The following MAP3K15 variants were observed in gnomAD, a reference collection of about 807,000 sequenced individuals.
MAP3K15 encodes MAPK/ERK kinase kinase 15.
MAP3K15 carries 124 observed loss-of-function variants against 99.5 expected under a neutral mutation model. The observed-to-expected ratio is 1.25, with a 90% CI of 1.08 to 1.45. The LOEUF is 1.45. Ranked by LOEUF, MAP3K15 falls within the 40% of genes most tolerant of loss-of-function variation. MAP3K15 has a pLI of 0.00. For missense variants in MAP3K15, 1,242 were observed against 1,079.7 expected (o/e 1.15, Z -2.11); for synonymous variants, 494 against 439.6 (o/e 1.12, Z -1.55).
chrX:19,367,898 TC>T (rs1458077696), intron 25 of MAP3K15, among the ~76,000 whole-genome samples: 2 of 105,246 alleles, frequency 1.9e-5, no homozygotes, highest in African/African-American at 6.9e-5. Flanking sequence ...ACAGGCAAGT[TC>T]CACCACGCCC....
chrX:19,417,003 A>G (rs143828136), intron 9 of MAP3K15, among the ~76,000 whole-genome samples: 2,197 of 112,620 alleles, frequency 0.02, 66 homozygotes, highest in African/African-American at 0.067. Context: ...GAGAACCCAT[A>G]TATCTTTGAC....
At chrX:19,493,089 G>C (rs1336487745) in intron 1 of MAP3K15, among the ~76,000 whole-genome samples, 3 of 111,147 alleles carry the variant, frequency 2.7e-5, no homozygotes, top group African/African-American at 9.8e-5. Context: ...GAAGCAAATA[G>C]AAACAGACAA....
At chrX:19,371,848 G>A (rs1457100182) in intron 22 of MAP3K15, among the ~76,000 whole-genome samples, 1 of 111,356 alleles carries the variant, frequency 9.0e-6, no homozygotes, top group South Asian at 3.7e-4. Flanking sequence ...AATAAGGGAG[G>A]GGGGCCGGGC....
chrX:19,376,179 C>A (rs1381976575), intron 19 of MAP3K15, among the ~76,000 whole-genome samples: 1 of 111,481 alleles, frequency 9.0e-6, no homozygotes, highest in Non-Finnish European at 1.9e-5. Context: ...TAACAAAATA[C>A]CACAAACTGG....
chrX:19,436,154 C>CAA (rs756368352), intron 6 of MAP3K15, among the ~76,000 whole-genome samples: 8 of 52,289 alleles, frequency 1.5e-4, no homozygotes, highest in African/African-American at 6.3e-4. Context: ...AACGCCATGT[C>CAA]AAAAAAAAAA....
chrX:19,454,656 G>C (rs1283687100), intron 6 of MAP3K15, among the ~76,000 whole-genome samples: 3 of 111,732 alleles, frequency 2.7e-5, no homozygotes, highest in Non-Finnish European at 5.6e-5. Flanking sequence ...GAGAGCTAAA[G>C]GTCAACCTTC....
At chrX:19,465,059 T>C (rs920764633) in intron 3 of MAP3K15, among the ~76,000 whole-genome samples, 1 of 110,124 alleles carries the variant, frequency 9.1e-6, no homozygotes, top group Non-Finnish European at 1.9e-5. Context: ...GCTCAGCTAA[T>C]ATTTCTATTA....
intron 18 of MAP3K15, among the ~76,000 whole-genome samples, chrX:19,380,938 T>G (rs980717094): frequency 5.1e-4 from 57 of 112,317 alleles, no homozygotes; most frequent in Non-Finnish European, 1.7e-4. Flanking sequence ...TCAGCACATA[T>G]TAGTACATGC....
intron 25 of MAP3K15, among the ~76,000 whole-genome samples, chrX:19,364,221 G>A (rs1367133450): frequency 1.8e-5 from 2 of 111,908 alleles, no homozygotes; most frequent in Admixed American, 1.9e-4. Context: ...TCTTCCCAAG[G>A]GACCGCCTCC....
chrX:19,506,915 C>T (rs2147433227), intron 1 of MAP3K15, among the ~76,000 whole-genome samples: 1 of 111,953 alleles, frequency 8.9e-6, no homozygotes, highest in East Asian at 2.8e-4. Flanking sequence ...TCACTGTGCA[C>T]GTAACAGAAG....
At chrX:19,363,704 G>A (rs1011630543) in intron 25 of MAP3K15, among the ~76,000 whole-genome samples, 9 of 107,981 alleles carry the variant, frequency 8.3e-5, no homozygotes, top group African/African-American at 3.1e-4. Context: ...CCAGGCTGGA[G>A]TGCAGTGGCA....
At chrX:19,429,812 GA>G (rs1569222614) in intron 7 of MAP3K15, among the ~76,000 whole-genome samples, 5 of 92,950 alleles carry the variant, frequency 5.4e-5, no homozygotes, top group African/African-American at 1.6e-4. Flanking sequence ...GAGAGAGAGA[GA>G]GAGAGAGAGG....
At chrX:19,388,290 C>T (rs193261269) in intron 18 of MAP3K15, among the ~76,000 whole-genome samples, 183 of 111,871 alleles carry the variant, frequency 1.6e-3, no homozygotes, top group African/African-American at 5.8e-3. Flanking sequence ...AGACTGTGTG[C>T]GCTCCTTCAA....
intron 1 of MAP3K15, among the ~76,000 whole-genome samples, chrX:19,514,374 GGC>G (rs1280368950): frequency 9.7e-6 from 1 of 102,787 alleles, no homozygotes; most frequent in Non-Finnish European, 2.0e-5. Context: ...CTGGGTTACA[GGC>G]TGTTTCTTGG....
At chrX:19,391,283 T>C (rs185796810) in intron 18 of MAP3K15, among the ~76,000 whole-genome samples, 1 of 112,235 alleles carries the variant, frequency 8.9e-6, no homozygotes, top group Admixed American at 9.4e-5. Context: ...GTCTGAGGAA[T>C]ACTGTTATTC....
intron 11 of MAP3K15, among the ~76,000 whole-genome samples, chrX:19,412,408 G>C (rs1252736263): frequency 8.9e-6 from 1 of 112,209 alleles, no homozygotes; most frequent in Middle Eastern, 4.6e-3. Flanking sequence ...GTAGCCTACA[G>C]ACACTCAGCG....
intron 17 of MAP3K15, 104 bp from the exon 18 acceptor site, chrX:19,392,211 A>C (rs2063532740): frequency 7.7e-6 from 8 of 1,041,324 alleles, no homozygotes; most frequent in Non-Finnish European, 1.1e-5. Context: ...TAGGAAAACT[A>C]GACTTTGCAT....
At position 19,457,013 on chromosome X, in the gene MAP3K15, C is replaced by T; in HGVS notation, c.895G>A (p.Asp299Asn). The T allele has an allele frequency of 8.4e-7, 1 of 1,188,573 alleles. No individual in the cohort carries two copies. The highest frequency in any genetic ancestry group is 1.8e-5 in the South Asian group (1 of 56,234). The change falls in exon 6 of 29, where the codon GAT becomes AAT. Residue 299 changes from aspartate (D) to asparagine (N), a missense_variant. Transcript: ENST00000338883. Reference protein sequence around the residue: ...LLSYRDIQDYDAMVKLVETLE... With the variant: ...LLSYRDIQDYNAMVKLVETLE... ...GTTTCCACCAGCTTCACCATCGCAT[C>T]ATAGTCCTGTTGGCAAGAGGTCCCA...
chrX:19,470,940 G>A (rs2064204023), intron 3 of MAP3K15, among the ~76,000 whole-genome samples: 1 of 110,872 alleles, frequency 9.0e-6, no homozygotes, highest in Non-Finnish European at 1.9e-5. Flanking sequence ...AAACACAGAA[G>A]ATAAAGAAAA....
Sources: gnomAD v4.1 joint callset for allele counts (sites outside exome capture counted in the v4.1 genomes callset) on GRCh38, gnomAD v4.1.1 for gene constraint, MANE v1.5 for transcripts, NCBI Gene and HGNC (gene_info 2026-07-23, HGNC 2026-07-21) for gene names.